The following DENND5B variants were observed in gnomAD, a reference collection of about 807,000 sequenced individuals.
DENND5B encodes the protein DENN domain containing 5B, also known as DENN domain-containing protein 5B.
A neutral mutation model predicts 140.6 loss-of-function variants in DENND5B; 34 were observed. The ratio of observed to expected loss-of-function variants is 0.24; its 90% confidence interval spans 0.18 to 0.32. The LOEUF (loss-of-function observed/expected upper bound fraction) is 0.32. DENND5B is among the 10% of genes least tolerant of loss of function. The pLI is 1.00. For synonymous variants in DENND5B, 551 were observed against 562.1 expected, an observed-to-expected ratio of 0.98 and a Z score of 0.28; for missense variants, 1,142 against 1,560.2, an observed-to-expected ratio of 0.73 and a Z score of 4.52.
intron 1 of DENND5B, among the ~76,000 whole-genome samples, chr12:31,552,428 G>A (rs1468699324): frequency 6.6e-6 from 1 of 152,182 alleles, no homozygotes; most frequent in Non-Finnish European, 1.5e-5. Context: ...GATCATAGTG[G>A]ATAAGCTTTT....
chr12:31,446,625 A>T (rs1565585941), intron 6 of DENND5B, among the ~76,000 whole-genome samples: 1 of 152,134 alleles, frequency 6.6e-6, no homozygotes, highest in Non-Finnish European at 1.5e-5. Flanking sequence ...GGCCGGGCGC[A>T]GTGGCTCACG....
At chr12:31,412,032 G>T (rs1012205096) in intron 13 of DENND5B, among the ~76,000 whole-genome samples, 2 of 152,074 alleles carry the variant, frequency 1.3e-5, no homozygotes, top group Non-Finnish European at 2.9e-5. Context: ...GGAGTGCAGT[G>T]GCCCAATACT....
At chr12:31,393,688 AT>A (rs1184256184) in intron 17 of DENND5B, among the ~76,000 whole-genome samples, 1 of 151,912 alleles carries the variant, frequency 6.6e-6, no homozygotes, top group Non-Finnish European at 1.5e-5. Flanking sequence ...TTGCATGAAC[AT>A]TTCTTTTTTC....
rs57460264 is a variant in DENND5B at position 31,545,950 on chromosome 12, C to CAAAAAAAAAAAAAAAAAAAAAA, written c.127+44755_127+44756insTTTTTTTTTTTTTTTTTTTTTT. On this transcript the variant is annotated intron_variant, in intron 1 of 20. Transcript: ENST00000389082. ...TGGGTGAGAGAGTAAGACACTGTCT[C>CAAAAAAAAAAAAAAAAAAAAAA]AAAAAAAAAAAAAAAAAAAAAGTGG... is the stretch of plus-strand genomic sequence containing the variant. Among the ~76,000 whole-genome samples the CAAAAAAAAAAAAAAAAAAAAAA allele has an allele frequency of 4.1e-4, 15 of 36,384 alleles. 1 individual carries two copies. Among genetic ancestry groups the CAAAAAAAAAAAAAAAAAAAAAA allele is most frequent in the Non-Finnish European group, 5.7e-4 (13 of 22,672 alleles). 23.9% of individuals were successfully genotyped at this position (36,384 alleles called of 152,430 possible).
At chr12:31,583,166 C>T (rs929113756) in intron 1 of DENND5B, among the ~76,000 whole-genome samples, 3 of 152,036 alleles carry the variant, frequency 2.0e-5, no homozygotes, top group East Asian at 1.9e-4. Context: ...GTGGCGTGTG[C>T]CTGTAATCCC....
At chr12:31,529,162 CAAAAAA>C (rs57966147) in intron 1 of DENND5B, among the ~76,000 whole-genome samples, 6 of 113,230 alleles carry the variant, frequency 5.3e-5, no homozygotes, top group South Asian at 2.9e-4. Context: ...AACTCTGTCT[CAAAAAA>C]AAAAAAAAAA....
intron 1 of DENND5B, 69 bp downstream of exon 1, chr12:31,590,637 T>TCCCGCGCGTCCCCACAGCGTCC: frequency 7.3e-7 from 1 of 1,376,302 alleles, no homozygotes; most frequent in Non-Finnish European, 9.3e-7. Context: ...GCACCCCGCC[T>TCCCGCGCGTCCCCACAGCGTCC]CCCGCGCGTC....
In DENND5B at chr12:31,483,502, G is replaced by A. The variant is rs181274702; in HGVS notation, c.238-3247C>T. On this transcript the variant is annotated intron_variant, in intron 2 of 20. Coordinates refer to ENST00000389082, the MANE Select transcript of DENND5B (RefSeq NM_144973.4). ...GTCACCCAGGCTGGAGTGCAGTGGC[G>A]CGATCTCGGCTCCCTGCAACCTCTG... Among the ~76,000 whole-genome samples the A allele has an allele frequency of 4.1e-3, 627 of 151,536 alleles. 5 individuals are homozygous for A. The highest frequency in any genetic ancestry group is 0.014 in the African/African-American group (569 of 41,234).
chr12:31,571,283 A>T (rs893264028), intron 1 of DENND5B, among the ~76,000 whole-genome samples: 10 of 152,232 alleles, frequency 6.6e-5, no homozygotes, highest in Admixed American at 2.6e-4. Flanking sequence ...TAAGATAGAG[A>T]TCAAGAGTTT....
chr12:31,499,729 C>T, intron 1 of DENND5B: 1 of 1,319,238 alleles, frequency 7.6e-7, no homozygotes, highest in Non-Finnish European at 9.8e-7. Context: ...AAACAAAAAG[C>T]AAAAATGACT....
At chr12:31,516,496 A>T (rs1216225579) in intron 1 of DENND5B, among the ~76,000 whole-genome samples, 3 of 149,650 alleles carry the variant, frequency 2.0e-5, no homozygotes, top group Middle Eastern at 3.2e-3. Flanking sequence ...AAAAAAAAAA[A>T]AGTTAACCCC....
chr12:31,528,020 C>T (rs954223768), intron 1 of DENND5B, among the ~76,000 whole-genome samples: 2 of 152,116 alleles, frequency 1.3e-5, no homozygotes, highest in Non-Finnish European at 2.9e-5. Context: ...GCCATAACAA[C>T]CGAACATAAT....
At chr12:31,451,084 G>A (rs4931498) in intron 5 of DENND5B, among the ~76,000 whole-genome samples, 20,206 of 152,106 alleles carry the variant, frequency 0.13, 1,602 homozygotes, top group Non-Finnish European at 0.18. Context: ...AAATGAGATA[G>A]AGAAATTTGG....
chr12:31,560,281 G>T (rs2139321233), intron 1 of DENND5B, among the ~76,000 whole-genome samples: 1 of 152,274 alleles, frequency 6.6e-6, no homozygotes, highest in East Asian at 1.9e-4. Context: ...CTCCAGTTAA[G>T]TTGATGGTAA....
chr12:31,577,230 A>T (rs1268392305), intron 1 of DENND5B, among the ~76,000 whole-genome samples: 1 of 152,186 alleles, frequency 6.6e-6, no homozygotes, highest in African/African-American at 2.4e-5. Context: ...GTTTAAATAA[A>T]TGACAGAGTA....
chr12:31,426,318 C>A lies in DENND5B; in HGVS notation c.2213G>T (p.Gly738Val). ...IAQTNCKFVE[G>V]LLKECRMKTK... ...CTTCATTCTACATTCTTTTAATAAG[C>A]CTTCTACGAATTTACAGTTGGTCTG... Residue 738 changes from glycine to valine, a missense_variant, in exon 9 of 21, where the codon GGC becomes GTC. Physicochemically the swap from Gly to Val is moderately radical, Grantham distance 109 (BLOSUM62 -3). Coordinates refer to ENST00000389082, the MANE Select transcript of DENND5B (RefSeq NM_144973.4). 2 of 1,609,166 alleles carry A rather than the reference C, an allele frequency of 1.2e-6. No homozygotes were observed. Among genetic ancestry groups the A allele is most frequent in the Non-Finnish European group, 1.7e-6 (2 of 1,177,654 alleles).
At chr12:31,567,942 C>G (rs1949686837) in intron 1 of DENND5B, among the ~76,000 whole-genome samples, 1 of 152,200 alleles carries the variant, frequency 6.6e-6, no homozygotes, top group African/African-American at 2.4e-5. Flanking sequence ...TCAAGCCAAG[C>G]CATCCTCCCA....
intron 3 of DENND5B, among the ~76,000 whole-genome samples, chr12:31,476,360 G>A (rs1945808003): frequency 6.6e-6 from 1 of 150,864 alleles, no homozygotes; most frequent in African/African-American, 2.4e-5. Context: ...AGATTATATG[G>A]GACTAATAAA....
At chr12:31,589,675 T>G (rs1169957798) in intron 1 of DENND5B, among the ~76,000 whole-genome samples, 2 of 152,052 alleles carry the variant, frequency 1.3e-5, no homozygotes, top group African/African-American at 4.8e-5. Flanking sequence ...GAAGTTGTTC[T>G]GAAAGGCTAT....
Sources: allele counts gnomAD v4.1 joint callset (sites outside exome capture counted in the v4.1 genomes callset), GRCh38; gene constraint gnomAD v4.1.1; transcripts MANE v1.5; gene names NCBI Gene and HGNC (gene_info 2026-07-23, HGNC 2026-07-21).